PLXDC2: variants seen among roughly 807,000 people sequenced by gnomAD.
The protein encoded by PLXDC2 is plexin domain-containing protein 2.
PLXDC2 carries 40 observed loss-of-function variants against 68.9 expected under a neutral mutation model. The observed-to-expected ratio is 0.58, with a 90% CI of 0.45 to 0.76. The LOEUF is 0.76. Ranked by LOEUF, PLXDC2 falls within the 30% of genes least tolerant of loss-of-function variation. PLXDC2 has a pLI of 0.00. For missense variants in PLXDC2, 644 were observed against 661.9 expected, an observed-to-expected ratio of 0.97 and a Z score of 0.30; for synonymous variants, 243 against 234.2, an observed-to-expected ratio of 1.04 and a Z score of -0.34.
chr10:19,837,401 AGAGAGAGAGTGTGTGT>A (rs764952171), intron 1 of PLXDC2, among the ~76,000 whole-genome samples: 604 of 47,406 alleles, frequency 0.013, no homozygotes, highest in Non-Finnish European at 0.018. Context: ...AGAGAGAGAG[AGAGAGAGAGTGTGTGT>A]GTGTGTGTGT....
At chr10:19,871,817 C>T (rs10082538) in intron 1 of PLXDC2, among the ~76,000 whole-genome samples, 42,557 of 149,006 alleles carry the variant, frequency 0.29, 6,196 homozygotes, top group East Asian at 0.38. Flanking sequence ...ACCCGGGAGG[C>T]GGAGGTTGCA....
chr10:20,239,890 T>TA (rs1445350893), intron 12 of PLXDC2, among the ~76,000 whole-genome samples: 2 of 152,226 alleles, frequency 1.3e-5, no homozygotes, highest in Non-Finnish European at 1.5e-5. Flanking sequence ...AGTAAGCACT[T>TA]ACACTTTCTA....
In PLXDC2 at chr10:20,122,132, A is replaced by G. The variant is rs568757877; in HGVS notation, c.542-21163A>G. The stretch of plus-strand genomic sequence containing the variant: ...GCAGATAATGTAGTTAAAGTGTCTC[A>G]GCCTAATAAGGGAACTGGGCAGGTG... On this transcript the variant is annotated intron_variant, in intron 4 of 13. Transcript: ENST00000377252. Among the ~76,000 whole-genome samples, 1,175 of 152,130 alleles carry G rather than the reference A, an allele frequency of 7.7e-3. 15 individuals carry two copies. Among genetic ancestry groups the G allele is most frequent in the African/African-American group, 0.027 (1,106 of 41,412 alleles).
chr10:20,047,253 A>T (rs1050505315), intron 3 of PLXDC2, among the ~76,000 whole-genome samples: 1 of 152,118 alleles, frequency 6.6e-6, no homozygotes, highest in Non-Finnish European at 1.5e-5. Context: ...AATTGAACCA[A>T]TTTTCTCAGT....
rs1289731862 is a variant in PLXDC2, at chr10:20,256,666, CT to C, written c.1473+11172del. Among the ~76,000 whole-genome samples, 441 of 146,162 alleles carry C rather than the reference CT, an allele frequency of 3.0e-3. 1 individual carries two copies. Among genetic ancestry groups the C allele is most frequent in the African/African-American group, 8.8e-3 (353 of 39,996 alleles). Reference sequence around the variant, plus strand: ...TTAATGTTGGAATTTATGTTATTTCCTTTTTTTTTTTCTCAGTTTTTCCCTT... The same window carrying C: ...TTAATGTTGGAATTTATGTTATTTCCTTTTTTTTTTCTCAGTTTTTCCCTT... On this transcript the variant is annotated intron_variant, in intron 13 of 13. Coordinates refer to ENST00000377252, the MANE Select transcript of PLXDC2 (RefSeq NM_032812.9).
chr10:20,107,376 G>T (rs1356900342), intron 4 of PLXDC2, among the ~76,000 whole-genome samples: 2 of 152,084 alleles, frequency 1.3e-5, no homozygotes, highest in Non-Finnish European at 2.9e-5. Flanking sequence ...AATAAAGGAT[G>T]ATAATCTTCT....
chr10:19,865,293 T>C (rs1237130639), intron 1 of PLXDC2, among the ~76,000 whole-genome samples: 1 of 152,194 alleles, frequency 6.6e-6, no homozygotes, highest in Non-Finnish European at 1.5e-5. Context: ...TCACTTTGGG[T>C]TAAAATCTTT....
chr10:19,839,319 C>T (rs192060474), intron 1 of PLXDC2, among the ~76,000 whole-genome samples: 4 of 152,212 alleles, frequency 2.6e-5, no homozygotes, highest in Admixed American at 2.6e-4. Flanking sequence ...TGAATGCAGC[C>T]CAACACAAAT....
intron 4 of PLXDC2, among the ~76,000 whole-genome samples, chr10:20,130,626 A>G (rs1564326767): frequency 2.0e-5 from 3 of 152,054 alleles, no homozygotes; most frequent in Non-Finnish European, 4.4e-5. Flanking sequence ...CTATATGTGG[A>G]CTTGTCATAC....
Position 20,284,369 on chromosome 10 carries a change from C to A in PLXDC2, c.*4550C>A, listed in dbSNP as rs1836123115. 7 of 131,986 alleles carry A rather than the reference C, an allele frequency of 5.3e-5. No homozygotes were observed. Among genetic ancestry groups the A allele is most frequent in the East Asian group, 2.2e-4 (1 of 4,450 alleles). 8.2% of individuals were successfully genotyped at this position (131,986 alleles called of 1,614,324 possible). A position where few individuals can be genotyped will look rare whatever the true frequency, so the allele number is the denominator to read the frequency against. On this transcript the variant is annotated 3_prime_UTR_variant, in exon 14 of 14. Coordinates refer to ENST00000377252, the MANE Select transcript of PLXDC2 (RefSeq NM_032812.9). ...CACACACACAAATATACATATATAT[C>A]AAATATATATGTATATTTGATAGAG... is the stretch of plus-strand genomic sequence containing the variant.
rs1414916128 is a variant in PLXDC2, at chr10:20,283,144, G to A, written c.*3325G>A. ...AAAGGGAAGAAGAGGAAAGAAACAA[G>A]ATTTGGTAGCTCTTGGGCATATCCA... On this transcript the variant is annotated 3_prime_UTR_variant, in exon 14 of 14. Transcript: ENST00000377252. 1.3e-5 allele frequency: 2 copies of A among 152,114 alleles called. No individual in the cohort carries two copies. Among genetic ancestry groups the A allele is most frequent in the African/African-American group, 2.4e-5 (1 of 41,432 alleles). The allele number at this position is 152,114 out of a possible 1,614,324, so 9.4% of individuals were successfully genotyped here.
At chr10:20,207,618 A>C (rs992148617) in intron 9 of PLXDC2, among the ~76,000 whole-genome samples, 22 of 152,200 alleles carry the variant, frequency 1.4e-4, no homozygotes, top group African/African-American at 5.1e-4. Context: ...ATGTCAGTAC[A>C]TTCTTCAATG....
Position 20,221,893 on chromosome 10 carries a change from T to A in PLXDC2, c.1312+2791T>A, listed in dbSNP as rs539874046. Among the ~76,000 whole-genome samples the A allele has an allele frequency of 3.9e-5, 6 of 152,332 alleles. No individual in the cohort carries two copies. The East Asian group carries it at 1.2e-3, about 29-fold the overall frequency. ...TATTGTTGCAAAGAATTTCAGCACA[T>A]TTGATTTCTTGATTTAATTTATTTA... On this transcript the variant is annotated intron_variant, in intron 12 of 13. Transcript: ENST00000377252.
chr10:20,235,235 T>G (rs1234483782), intron 12 of PLXDC2, among the ~76,000 whole-genome samples: 2 of 152,182 alleles, frequency 1.3e-5, no homozygotes, highest in African/African-American at 4.8e-5. Flanking sequence ...GCCCCTAAGC[T>G]TCCGTGAGGG....
chr10:20,236,847 C>T (rs1312117939), intron 12 of PLXDC2, among the ~76,000 whole-genome samples: 3 of 152,132 alleles, frequency 2.0e-5, no homozygotes, highest in Non-Finnish European at 4.4e-5. Context: ...AAGCACCGAT[C>T]ATTGAATGAG....
chr10:19,817,240 C>T, intron 1 of PLXDC2, 49 bp downstream of exon 1: 2 of 1,409,088 alleles, frequency 1.4e-6, no homozygotes, highest in South Asian at 1.2e-5. Context: ...AGCTGAAGAC[C>T]TCTCTGGCAC....
At chr10:20,203,381 C>T (rs1263303042) in intron 9 of PLXDC2, among the ~76,000 whole-genome samples, 2 of 151,430 alleles carry the variant, frequency 1.3e-5, no homozygotes, top group Non-Finnish European at 2.9e-5. Flanking sequence ...GCCTCAGCCT[C>T]CTACACTCAA....
chr10:19,875,277 G>C (rs989892043), intron 1 of PLXDC2, among the ~76,000 whole-genome samples: 10 of 152,190 alleles, frequency 6.6e-5, no homozygotes, highest in African/African-American at 2.4e-4. Flanking sequence ...GCTGGATGGA[G>C]TTAGCGGCTC....
chr10:20,044,475 A>AT (rs947477487), intron 2 of PLXDC2, among the ~76,000 whole-genome samples: 11 of 151,378 alleles, frequency 7.3e-5, no homozygotes, highest in Admixed American at 2.6e-4. Flanking sequence ...ACGCCTGGCT[A>AT]TTTTTTGTAT....
Sources: gnomAD v4.1 joint callset for allele counts (sites outside exome capture counted in the v4.1 genomes callset) on GRCh38, gnomAD v4.1.1 for gene constraint, MANE v1.5 for transcripts, NCBI Gene and HGNC (gene_info 2026-07-23, HGNC 2026-07-21) for gene names.